Variants in CEP112 observed in about 807,000 individuals in gnomAD.
CEP112 encodes centrosomal protein of 112 kDa.
CEP112 carries 127 observed loss-of-function variants against 153.0 expected under a neutral mutation model. The ratio of observed to expected loss-of-function variants is 0.83; its 90% CI spans 0.72 to 0.96. The LOEUF (loss-of-function observed/expected upper bound fraction) is 0.96. CEP112 is among the 40% of genes least tolerant of loss of function. CEP112 has a pLI of 0.00. For synonymous variants in CEP112, 358 were observed against 374.4 expected, an observed-to-expected ratio of 0.96 and a Z score of 0.51; for missense variants, 1,089 against 1,101.2, an observed-to-expected ratio of 0.99 and a Z score of 0.16.
chr17:66,094,163 G>T (rs1010251458), intron 8 of CEP112, among the ~76,000 whole-genome samples: 1 of 152,072 alleles, frequency 6.6e-6, no homozygotes. Context: ...AGGTTCAAGC[G>T]ATTCTCCCGC....
At chr17:65,650,390 C>A in intron 24 of CEP112, among the ~76,000 whole-genome samples, 1 of 152,148 alleles carries the variant, frequency 6.6e-6, no homozygotes, top group Non-Finnish European at 1.5e-5. Flanking sequence ...AAACGGGCCC[C>A]ACACCAGCCC....
intron 18 of CEP112, among the ~76,000 whole-genome samples, chr17:65,928,849 G>A (rs896466816): frequency 6.6e-6 from 1 of 152,166 alleles, no homozygotes; most frequent in East Asian, 1.9e-4. Flanking sequence ...GGGAAAAAGA[G>A]TAAGATCCTG....
chr17:65,714,396 A>G (rs1252722680), intron 23 of CEP112, among the ~76,000 whole-genome samples: 1 of 151,204 alleles, frequency 6.6e-6, no homozygotes, highest in Non-Finnish European at 1.5e-5. Flanking sequence ...GGATCTTATT[A>G]GTTTTGGATC....
chr17:66,169,053 C>T (rs111468869), intron 4 of CEP112, among the ~76,000 whole-genome samples: 1 of 152,044 alleles, frequency 6.6e-6, no homozygotes, highest in Non-Finnish European at 1.5e-5. Flanking sequence ...ACCCTGGGTG[C>T]ATTTTTAAAT....
chr17:65,915,365 C>T (rs1327121719), intron 19 of CEP112, among the ~76,000 whole-genome samples: 1 of 152,112 alleles, frequency 6.6e-6, no homozygotes, highest in Non-Finnish European at 1.5e-5. Context: ...CCCACCACTC[C>T]CACCCTAGTC....
chr17:65,647,471 C>G lies in CEP112; in HGVS notation c.2698-6406G>C, dbSNP rs535928603. On this transcript the variant is annotated intron_variant, in intron 24 of 26. Transcript: ENST00000535342. ...TACAGGCATAAGCCACTGTGCCCGG[C>G]CTTTTTTTTTTTTTTTTTTCAAGAG... 4.1e-3 allele frequency among the ~76,000 whole-genome samples: 483 copies of G among 118,726 alleles called. 1 individual carries two copies. The highest frequency in any genetic ancestry group is 0.017 in the African/African-American group (462 of 27,990). 77.9% of individuals were successfully genotyped at this position (118,726 alleles called of 152,430 possible). A position where few individuals can be genotyped will look rare whatever the true frequency, so the allele number is the denominator to read the frequency against.
At chr17:66,096,702 T>C in intron 6 of CEP112, 70 bp from the exon 7 acceptor site, 2 of 1,002,982 alleles carry the variant, frequency 2.0e-6, no homozygotes, top group Non-Finnish European at 3.0e-6. Flanking sequence ...TTTGATAAAA[T>C]ATAGAATTAA....
chr17:66,142,495 A>C lies in CEP112; in HGVS notation c.471-9732T>G, dbSNP rs190553206. On this transcript the variant is annotated intron_variant, in intron 4 of 26. Transcript: ENST00000535342. Reference sequence around the variant, plus strand: ...TTTACAGTTTCAGATCTTATGTTTAAGTCTTTAACGCATTTCTAGTTGATT... The same window carrying C: ...TTTACAGTTTCAGATCTTATGTTTACGTCTTTAACGCATTTCTAGTTGATT... Among the ~76,000 whole-genome samples, 1,336 of 152,270 alleles carry C rather than the reference A, an allele frequency of 8.8e-3. 9 individuals carry two copies. The highest frequency in any genetic ancestry group is 0.017 in the Middle Eastern group (5 of 294).
chr17:65,773,429 C>T (rs889187348), intron 21 of CEP112, among the ~76,000 whole-genome samples: 1 of 151,870 alleles, frequency 6.6e-6, no homozygotes, highest in East Asian at 1.9e-4. Context: ...TTTTATAATA[C>T]TCATTTTCTT....
At chr17:66,129,991 AAG>A (rs764768500) in intron 5 of CEP112, among the ~76,000 whole-genome samples, 168 bp from the exon 6 acceptor site, 21 of 151,768 alleles carry the variant, frequency 1.4e-4, no homozygotes, top group African/African-American at 2.9e-4. Flanking sequence ...AAAGAAGGGA[AAG>A]AGGGGGAAGG....
chr17:66,136,205 C>T (rs918307700), intron 4 of CEP112, among the ~76,000 whole-genome samples: 2 of 152,148 alleles, frequency 1.3e-5, no homozygotes, highest in African/African-American at 4.8e-5. Flanking sequence ...CTGCTGAGAA[C>T]GAAGCCTCCA....
At position 66,063,068 on chromosome 17, in the gene CEP112, T is replaced by C. The variant is rs376228879; in HGVS notation, c.969A>G (p.Ile323Met). The C allele has an allele frequency of 2.5e-6, 4 of 1,574,700 alleles. No homozygotes were observed. Among genetic ancestry groups the C allele is most frequent in the East Asian group, 2.3e-5 (1 of 43,160 alleles). The change falls in exon 11 of 27, where the codon ATA (isoleucine) becomes ATG (methionine). Residue 323 changes from isoleucine (I) to methionine (M), a missense_variant. Physicochemically the swap from Ile to Met is conservative, Grantham distance 10 (BLOSUM62 1). Transcript: ENST00000535342. ...TCTCTCTGATAACTTGACAGTCACG[T>C]ATCAGTGTCTGAACTGTCAAAAATT... ...RKLEKKVQTL[I>M]RDCQVIRETK...
rs2059642555 is a variant in CEP112, at chr17:65,895,913, C to T, written c.2163+6239G>A. ...CCCTTGCAACCCTCCCAGTTCTCACCACTGCAGTGATCATATTTTACTCCC... is the reference window on the plus strand; with the variant it reads ...CCCTTGCAACCCTCCCAGTTCTCACTACTGCAGTGATCATATTTTACTCCC... On this transcript the variant is annotated intron_variant, in intron 20 of 26. Coordinates refer to ENST00000535342, the MANE Select transcript of CEP112 (RefSeq NM_001199165.4). Among the ~76,000 whole-genome samples the T allele has an allele frequency of 2.0e-5, 3 of 152,066 alleles. No individual in the cohort carries two copies. In the South Asian group the frequency reaches 6.2e-4, roughly 31 times the overall value.
At chr17:65,707,923 T>C (rs1444120886) in intron 23 of CEP112, among the ~76,000 whole-genome samples, 1 of 152,192 alleles carries the variant, frequency 6.6e-6, no homozygotes, top group Non-Finnish European at 1.5e-5. Flanking sequence ...AAATATATTA[T>C]TAAGCACAAA....
chr17:65,809,205 G>T (rs2055799939), intron 21 of CEP112, among the ~76,000 whole-genome samples: 1 of 152,322 alleles, frequency 6.6e-6, no homozygotes, highest in Middle Eastern at 3.4e-3. Context: ...GAACAAGCTT[G>T]AAATACTTAC....
chr17:65,720,140 T>C (rs2049783450), intron 23 of CEP112, among the ~76,000 whole-genome samples: 1 of 152,044 alleles, frequency 6.6e-6, no homozygotes, highest in Middle Eastern at 3.2e-3. Context: ...TGAACCGCAT[T>C]TGGGAACACA....
chr17:65,719,115 C>T (rs1003230017), intron 23 of CEP112, among the ~76,000 whole-genome samples: 1 of 152,242 alleles, frequency 6.6e-6, no homozygotes, highest in African/African-American at 2.4e-5. Flanking sequence ...ATGCCTTTCA[C>T]ACAACAGTGG....
intron 8 of CEP112, among the ~76,000 whole-genome samples, chr17:66,073,462 C>T (rs941789498): frequency 6.6e-6 from 1 of 152,210 alleles, no homozygotes; most frequent in African/African-American, 2.4e-5. Context: ...AGGCTGATGG[C>T]TGGGATGTGT....
intron 6 of CEP112, among the ~76,000 whole-genome samples, chr17:66,113,326 A>C (rs1204338629): frequency 1.3e-5 from 2 of 152,136 alleles, no homozygotes; most frequent in African/African-American, 4.8e-5. Context: ...CAGCATAGGA[A>C]GTAAGTTCTT....
Sources: allele counts gnomAD v4.1 joint callset (sites outside exome capture counted in the v4.1 genomes callset), GRCh38; gene constraint gnomAD v4.1.1; transcripts MANE v1.5; gene names NCBI Gene and HGNC (gene_info 2026-07-23, HGNC 2026-07-21).